MEGF10: variants seen among roughly 807,000 people sequenced by gnomAD.
MEGF10 encodes multiple epidermal growth factor-like domains protein 10.
In MEGF10, 86 loss-of-function variants were observed where a neutral mutation model predicts 147.5. The observed-to-expected ratio is 0.58, with a 90% CI of 0.49 to 0.70. The LOEUF (loss-of-function observed/expected upper bound fraction) is 0.70, where lower values mean the gene tolerates loss of function less well. Among genes scored for constraint, MEGF10 ranks in the 30% least tolerant of loss-of-function variants. The probability of loss-of-function intolerance (pLI) is 0.00; values close to 1 mark genes in which losing one functional copy is unlikely to be tolerated. For synonymous variants in MEGF10, 478 were observed against 525.5 expected (o/e 0.91, Z 1.24); for missense variants, 1,329 against 1,487.3 (o/e 0.89, Z 1.75).
chr5:127,304,314 C>T (rs753146895), intron 1 of MEGF10, among the ~76,000 whole-genome samples: 4 of 152,122 alleles, frequency 2.6e-5, no homozygotes, highest in Non-Finnish European at 5.9e-5. Context: ...GAGAGGTGAC[C>T]TGACCTCAGG....
At chr5:127,436,632 A>C (rs1244131656) in intron 16 of MEGF10, among the ~76,000 whole-genome samples, 1 of 152,224 alleles carries the variant, frequency 6.6e-6, no homozygotes, top group South Asian at 2.1e-4. Flanking sequence ...AGTAGTCTTT[A>C]TTTTGGAAAT....
At chr5:127,247,356 GA>G in the MEGF10 span, among the ~76,000 whole-genome samples, 1 of 2,214 alleles carries the variant, frequency 4.5e-4, no homozygotes, top group Non-Finnish European at 8.5e-4. Context: ...AGAAGAAGAA[GA>G]AGAAGAAGAA....
intron 22 of MEGF10, among the ~76,000 whole-genome samples, chr5:127,451,701 A>G (rs943586720): frequency 9.9e-5 from 15 of 152,202 alleles, no homozygotes; most frequent in African/African-American, 3.1e-4. Context: ...TTTCTGGCTC[A>G]ATGAGACCCA....
chr5:127,358,905 G>T (rs1306678189), intron 4 of MEGF10, among the ~76,000 whole-genome samples: 1 of 152,076 alleles, frequency 6.6e-6, no homozygotes, highest in Non-Finnish European at 1.5e-5. Flanking sequence ...TGAGAGTTGT[G>T]GCCAGAATAG....
the MEGF10 span, among the ~76,000 whole-genome samples, chr5:127,237,862 CTATGG>C: frequency 6.6e-6 from 1 of 152,086 alleles, no homozygotes; most frequent in South Asian, 2.1e-4. Flanking sequence ...TGTTTCTACC[CTATGG>C]TGTCTTCTAC....
Position 127,419,172 on chromosome 5 carries a change from C to T in MEGF10, c.1358C>T (p.Ser453Phe). Residue 453 changes from serine (S) to phenylalanine (F), a missense_variant, in exon 11 of 25, where the codon TCC (serine) becomes TTC (phenylalanine). Transcript: ENST00000503335. Reference sequence around the variant, plus strand: ...CTGGGAACCTATGGGATAAACTGTTCCTCTCGCTGTGGCTGTAAAAATGAT... The same window carrying T: ...CTGGGAACCTATGGGATAAACTGTTTCTCTCGCTGTGGCTGTAAAAATGAT... ...CPLGTYGINC[S>F]SRCGCKNDAV... 3 of 1,614,122 alleles carry T rather than the reference C, an allele frequency of 1.9e-6. No homozygotes were observed. The highest frequency in any genetic ancestry group is 2.5e-6 in the Non-Finnish European group (3 of 1,180,018).
At position 127,455,441 on chromosome 5, in the gene MEGF10, C is replaced by T. The variant is rs756057256; in HGVS notation, c.3066C>T (p.Ser1022=). The T allele has an allele frequency of 3.7e-6, 6 of 1,614,070 alleles. No homozygotes were observed. The Admixed American group carries it at 5.0e-5, about 13-fold the overall frequency. The part of the protein sequence containing the change: ...KNSEYNSSNC[S]LSSSENPYAT... Reference sequence around the variant, plus strand: ...CTGAATATAATTCAAGTAACTGCTCCCTAAGCAGTTCTGAGAACCCATATG... The same window carrying T: ...CTGAATATAATTCAAGTAACTGCTCTCTAAGCAGTTCTGAGAACCCATATG... The change falls in exon 24 of 25, where the codon TCC becomes TCT. Residue 1022 remains serine, a synonymous_variant. Transcript: ENST00000503335.
the MEGF10 span, among the ~76,000 whole-genome samples, chr5:127,253,120 C>A: frequency 1.3e-5 from 2 of 151,820 alleles, no homozygotes; most frequent in African/African-American, 4.8e-5. Flanking sequence ...AACACTTTGA[C>A]AAATATTAAT....
At chr5:127,287,395 CA>C (rs918857002), upstream of MEGF10, among the ~76,000 whole-genome samples, 12 of 151,878 alleles carry the variant, frequency 7.9e-5, no homozygotes, top group Admixed American at 3.3e-4. Flanking sequence ...AGCCATGTTG[CA>C]AAATGTGAGG....
chr5:127,417,238 A>G (rs146981247), intron 9 of MEGF10, among the ~76,000 whole-genome samples: 31 of 152,324 alleles, frequency 2.0e-4, no homozygotes, highest in Non-Finnish European at 3.4e-4. Context: ...ACAGGCTGAC[A>G]AGGTCACTGC....
intron 3 of MEGF10, among the ~76,000 whole-genome samples, chr5:127,340,182 A>G (rs1761624610): frequency 2.0e-5 from 3 of 151,586 alleles, no homozygotes; most frequent in African/African-American, 7.3e-5. Context: ...TTAGTCTTCT[A>G]TATTATAATG....
At chr5:127,452,426 T>C (rs1052797634) in intron 22 of MEGF10, among the ~76,000 whole-genome samples, 2 of 152,194 alleles carry the variant, frequency 1.3e-5, no homozygotes, top group African/African-American at 4.8e-5. Context: ...GGGTCCTCTT[T>C]ATAAAGTCTG....
intron 12 of MEGF10, among the ~76,000 whole-genome samples, chr5:127,422,112 T>TTA: frequency 6.6e-6 from 1 of 152,280 alleles, no homozygotes; most frequent in Middle Eastern, 3.4e-3. Context: ...GCTTCACTAT[T>TTA]TATATGTCCC....
At chr5:127,420,364 G>A (rs1023646394) in intron 12 of MEGF10, among the ~76,000 whole-genome samples, 157 bp downstream of exon 12, 17 of 152,208 alleles carry the variant, frequency 1.1e-4, no homozygotes, top group African/African-American at 2.4e-5. Flanking sequence ...CAAATTGGAC[G>A]TAGGATTGGA....
intron 4 of MEGF10, among the ~76,000 whole-genome samples, chr5:127,361,901 T>A: frequency 6.6e-6 from 1 of 152,196 alleles, no homozygotes; most frequent in Non-Finnish European, 1.5e-5. Context: ...TTTGCATGCG[T>A]TGAATCTTTT....
intron 5 of MEGF10, among the ~76,000 whole-genome samples, chr5:127,384,867 G>C (rs1320611761): frequency 6.6e-6 from 1 of 152,142 alleles, no homozygotes; most frequent in African/African-American, 2.4e-5. Flanking sequence ...TTTTTAAAGT[G>C]CTTGATGTTT....
At chr5:127,315,054 A>T (rs991047373) in intron 1 of MEGF10, among the ~76,000 whole-genome samples, 1 of 152,296 alleles carries the variant, frequency 6.6e-6, no homozygotes, top group African/African-American at 2.4e-5. Context: ...TAATAAAGGC[A>T]ACAGGGAAAT....
intron 4 of MEGF10, among the ~76,000 whole-genome samples, chr5:127,367,473 A>T (rs1207663484): frequency 1.3e-5 from 2 of 152,200 alleles, no homozygotes; most frequent in Non-Finnish European, 2.9e-5. Flanking sequence ...AGTAGTATTA[A>T]TATAAATTTA....
At chr5:127,371,125 G>A (rs1762831304) in intron 5 of MEGF10, among the ~76,000 whole-genome samples, 1 of 151,700 alleles carries the variant, frequency 6.6e-6, no homozygotes, top group African/African-American at 2.4e-5. Context: ...AAGCCCTTGT[G>A]CTGTCTGTGC....
Sources: allele counts gnomAD v4.1 joint callset (sites outside exome capture counted in the v4.1 genomes callset), GRCh38; gene constraint gnomAD v4.1.1; transcripts MANE v1.5; gene names NCBI Gene and HGNC (gene_info 2026-07-23, HGNC 2026-07-21).